ADGRG6: variants seen among roughly 807,000 people sequenced by gnomAD.
The protein encoded by ADGRG6 is adhesion G protein-coupled receptor G6.
ADGRG6 carries 84 observed loss-of-function variants against 142.4 expected under a neutral mutation model. The ratio of observed to expected loss-of-function variants is 0.59; its 90% CI spans 0.49 to 0.71. The LOEUF is 0.71. ADGRG6 is among the 30% of genes least tolerant of loss of function. The pLI is 0.00. For missense variants in ADGRG6, 1,367 were observed against 1,466.6 expected, an observed-to-expected ratio of 0.93 and a Z score of 1.11; for synonymous variants, 521 against 520.5, an observed-to-expected ratio of 1.00 and a Z score of -0.01.
intron 2 of ADGRG6, among the ~76,000 whole-genome samples, chr6:142,348,754 C>T (rs1194851340): frequency 3.3e-5 from 5 of 151,980 alleles, no homozygotes; most frequent in African/African-American, 1.2e-4. Context: ...TGGTATTCTA[C>T]AATGAATTAA....
intron 2 of ADGRG6, among the ~76,000 whole-genome samples, chr6:142,330,216 G>T (rs1250727682): frequency 6.6e-6 from 1 of 151,898 alleles, no homozygotes. Context: ...TTTAATGGCT[G>T]CATTGGATCA....
At chr6:142,350,666 T>G (rs547262133) in intron 2 of ADGRG6, among the ~76,000 whole-genome samples, 1 of 152,184 alleles carries the variant, frequency 6.6e-6, no homozygotes, top group African/African-American at 2.4e-5. Flanking sequence ...TGAAATCAGA[T>G]ATAATCTCAT....
chr6:142,351,006 C>G (rs1435528790), intron 2 of ADGRG6, among the ~76,000 whole-genome samples: 3 of 152,046 alleles, frequency 2.0e-5, no homozygotes, highest in Admixed American at 2.0e-4. Context: ...GAGGCCAAGG[C>G]GGGTGGATCA....
chr6:142,406,316 T>C (rs939471708), intron 15 of ADGRG6, among the ~76,000 whole-genome samples: 11 of 152,180 alleles, frequency 7.2e-5, no homozygotes, highest in African/African-American at 2.2e-4. Context: ...CAGAGTAAGA[T>C]GGAATTGTGC....
intron 4 of ADGRG6, among the ~76,000 whole-genome samples, chr6:142,379,883 C>T (rs775108028): frequency 1.3e-5 from 2 of 152,198 alleles, no homozygotes. Flanking sequence ...ACCCGTGACA[C>T]AGCCTCAGGG....
intron 4 of ADGRG6, among the ~76,000 whole-genome samples, chr6:142,376,567 T>C (rs1483328474): frequency 6.6e-6 from 1 of 152,210 alleles, no homozygotes; most frequent in Non-Finnish European, 1.5e-5. Flanking sequence ...ATTACAGTTC[T>C]GTTCTTCATA....
chr6:142,419,866 G>A lies in ADGRG6; in HGVS notation c.3081G>A (p.Gly1027=). Residue 1027 remains glycine (G), a synonymous_variant, in exon 22 of 25, where the codon GGG becomes GGA. Transcript: ENST00000367609. ...DPVIFYVTCA[G]YFGVMFFLNI... ...TCATATTTTATGTGACCTGTGCTGG[G>A]TATTTTGGAGTCATGTTTTTTCTGA... 1 of 1,612,500 alleles carries A rather than the reference G, an allele frequency of 6.2e-7. No individual in the cohort carries two copies. The highest frequency in any genetic ancestry group is 1.3e-5 in the African/African-American group (1 of 74,934).
intron 9 of ADGRG6, among the ~76,000 whole-genome samples, chr6:142,397,330 A>G (rs1012414700): frequency 6.6e-6 from 1 of 152,094 alleles, no homozygotes; most frequent in Admixed American, 6.6e-5. Flanking sequence ...AAATGACTAT[A>G]TAATGTATTA....
intron 2 of ADGRG6, among the ~76,000 whole-genome samples, chr6:142,363,944 C>T (rs770809833): frequency 3.3e-5 from 5 of 151,560 alleles, no homozygotes; most frequent in Admixed American, 2.6e-4. Context: ...GTTTAAAAAA[C>T]GTCTCTTAAA....
At chr6:142,333,651 C>T (rs539157507) in intron 2 of ADGRG6, among the ~76,000 whole-genome samples, 3 of 152,250 alleles carry the variant, frequency 2.0e-5, no homozygotes, top group Admixed American at 6.5e-5. Flanking sequence ...TGCCCGGCCA[C>T]CTTCATCACT....
chr6:142,434,948 T>C (rs565626909), intron 22 of ADGRG6, among the ~76,000 whole-genome samples: 4 of 152,218 alleles, frequency 2.6e-5, no homozygotes, highest in African/African-American at 9.6e-5. Context: ...AATCTTCGTA[T>C]TAAAAAATAA....
chr6:142,413,008 GCTAT>G (rs1776164720), intron 18 of ADGRG6, among the ~76,000 whole-genome samples: 1 of 148,974 alleles, frequency 6.7e-6, no homozygotes, highest in Non-Finnish European at 1.5e-5. Context: ...TTTTTCTGCT[GCTAT>G]CTGATTGAAT....
At chr6:142,437,367 A>G (rs929419800) in intron 22 of ADGRG6, 67 bp from the exon 23 acceptor site, 5 of 747,700 alleles carry the variant, frequency 6.7e-6, no homozygotes, top group Non-Finnish European at 1.2e-5. Context: ...GAATCCATGT[A>G]TTTTATAAGA....
chr6:142,366,968 C>A (rs1780969072), intron 2 of ADGRG6, among the ~76,000 whole-genome samples: 1 of 151,940 alleles, frequency 6.6e-6, no homozygotes, highest in Non-Finnish European at 1.5e-5. Flanking sequence ...TATAAATAAT[C>A]CATGTTTGCA....
chr6:142,388,581 A>C (rs1427154685), intron 6 of ADGRG6, among the ~76,000 whole-genome samples: 2 of 152,096 alleles, frequency 1.3e-5, no homozygotes, highest in Non-Finnish European at 2.9e-5. Flanking sequence ...TAGCTTGCTG[A>C]ACCCACCTTA....
intron 2 of ADGRG6, among the ~76,000 whole-genome samples, chr6:142,362,320 C>T (rs1206703435): frequency 6.6e-6 from 1 of 152,060 alleles, no homozygotes; most frequent in Non-Finnish European, 1.5e-5. Context: ...TTCCAAAGAA[C>T]GTTTTGGGGT....
chr6:142,338,063 C>T (rs1177213025), intron 2 of ADGRG6, among the ~76,000 whole-genome samples: 1 of 69,846 alleles, frequency 1.4e-5, no homozygotes, highest in East Asian at 5.0e-4. Context: ...CTCTGTCACC[C>T]AGGCTGGAGT....
chr6:142,313,726 A>G (rs1777882694), intron 2 of ADGRG6, among the ~76,000 whole-genome samples: 2 of 152,294 alleles, frequency 1.3e-5, no homozygotes. Flanking sequence ...CATAAAATGA[A>G]CAGTTATTTA....
At chr6:142,424,662 G>T (rs1417676699) in intron 22 of ADGRG6, among the ~76,000 whole-genome samples, 1 of 151,526 alleles carries the variant, frequency 6.6e-6, no homozygotes, top group Non-Finnish European at 1.5e-5. Context: ...CCCGGCTTTG[G>T]TATCAGAATG....
Sources: gnomAD v4.1 joint callset for allele counts (sites outside exome capture counted in the v4.1 genomes callset) on GRCh38, gnomAD v4.1.1 for gene constraint, MANE v1.5 for transcripts, NCBI Gene and HGNC (gene_info 2026-07-23, HGNC 2026-07-21) for gene names.